The following VPS13B variants were observed in gnomAD, a reference collection of about 807,000 sequenced individuals.
VPS13B encodes the protein intermembrane lipid transfer protein VPS13B.
VPS13B carries 285 observed loss-of-function variants against 426.4 expected under a neutral mutation model. That is an observed-to-expected ratio of 0.67 (90% confidence interval 0.61 to 0.74). The LOEUF is 0.74. Among genes scored for constraint, VPS13B ranks in the 30% least tolerant of loss-of-function variants. VPS13B has a pLI of 0.00. For synonymous variants in VPS13B, 1,676 were observed against 1,676.4 expected (o/e 1.00, Z 0.01); for missense variants, 4,537 against 4,782.6 (o/e 0.95, Z 1.51).
At chr8:99,393,276 C>G (rs1814541087) in intron 21 of VPS13B, among the ~76,000 whole-genome samples, 1 of 152,048 alleles carries the variant, frequency 6.6e-6, no homozygotes, top group African/African-American at 2.4e-5. Flanking sequence ...TCATACCAAT[C>G]ACATATCAAT....
chr8:99,306,206 T>G (rs1015579599), intron 19 of VPS13B, among the ~76,000 whole-genome samples: 13 of 152,042 alleles, frequency 8.6e-5, no homozygotes, highest in Admixed American at 7.2e-4. Context: ...GTGAACTATG[T>G]GGGCAGGATA....
At position 99,467,455 on chromosome 8, in the gene VPS13B, A is replaced by T. The variant is rs1819168289; in HGVS notation, c.3487A>T (p.Ile1163Leu). 1 of 1,613,642 alleles carries T rather than the reference A, an allele frequency of 6.2e-7. No homozygotes were observed. The highest frequency in any genetic ancestry group is 1.3e-5 in the African/African-American group (1 of 74,874). Residue 1163 changes from isoleucine to leucine, a missense_variant, in exon 24 of 62, where the codon ATA (isoleucine) becomes TTA (leucine). Physicochemically the swap from Ile to Leu is conservative, Grantham distance 5 (BLOSUM62 2). Coordinates refer to ENST00000357162, the MANE Select transcript of VPS13B (RefSeq NM_152564.5). ...PWTISLHNFS[I>L]YTLLGKQVTL... ...GACGATCAGCTTGCATAATTTCAGCATATATACCCTTCTTGGAAAACAAGT... is the reference window on the plus strand; with the variant it reads ...GACGATCAGCTTGCATAATTTCAGCTTATATACCCTTCTTGGAAAACAAGT...
intron 3 of VPS13B, among the ~76,000 whole-genome samples, chr8:99,066,928 G>C (rs535396561): frequency 5.3e-5 from 8 of 152,276 alleles, no homozygotes; most frequent in African/African-American, 1.2e-4. Flanking sequence ...AAATTCAAAT[G>C]AAAACCACAG....
intron 44 of VPS13B, among the ~76,000 whole-genome samples, chr8:99,810,327 G>T (rs546431170): frequency 6.6e-6 from 1 of 152,308 alleles, no homozygotes; most frequent in Non-Finnish European, 1.5e-5. Context: ...TATACATCTG[G>T]ATTGTAACAG....
rs11996093 is a variant in VPS13B at position 99,037,426 on chromosome 8, A to G, written c.148-997A>G. On this transcript the variant is annotated intron_variant, in intron 2 of 61. Coordinates refer to ENST00000357162, the MANE Select transcript of VPS13B (RefSeq NM_152564.5). ...ATTCAAAATGTAGTCTTTTTATACAAATTTTACAGATAATGAAACTGAGGC... is the reference window on the plus strand; with the variant it reads ...ATTCAAAATGTAGTCTTTTTATACAGATTTTACAGATAATGAAACTGAGGC... Among the ~76,000 whole-genome samples the G allele has an allele frequency of 3.9e-3, 588 of 152,174 alleles. 6 individuals carry two copies. The highest frequency in any genetic ancestry group is 0.013 in the African/African-American group (523 of 41,548).
intron 17 of VPS13B, among the ~76,000 whole-genome samples, chr8:99,228,433 C>T (rs528527582): frequency 1.7e-4 from 26 of 152,146 alleles, no homozygotes; most frequent in Admixed American, 3.3e-4. Flanking sequence ...AAATTTAAAA[C>T]GAATAGGCCT....
intron 36 of VPS13B, among the ~76,000 whole-genome samples, chr8:99,716,147 T>G (rs545626048): frequency 1.3e-5 from 2 of 152,256 alleles, no homozygotes; most frequent in East Asian, 3.9e-4. Flanking sequence ...CTAACACTTT[T>G]GTGGGTGTGA....
intron 30 of VPS13B, among the ~76,000 whole-genome samples, chr8:99,548,916 A>G (rs1404412500): frequency 4.6e-5 from 7 of 152,088 alleles, no homozygotes; most frequent in Non-Finnish European, 5.9e-5. Flanking sequence ...CCAAACTTGT[A>G]AATTTTATAC....
chr8:99,040,178 A>G (rs1241421039), intron 3 of VPS13B, among the ~76,000 whole-genome samples: 1 of 152,196 alleles, frequency 6.6e-6, no homozygotes, highest in Non-Finnish European at 1.5e-5. Context: ...AACATGTTTT[A>G]ACAGAGGCAA....
rs188389164 is a variant in VPS13B, at chr8:99,730,986, G to C, written c.7050+9939G>C. Among the ~76,000 whole-genome samples the C allele has an allele frequency of 5.5e-3, 831 of 152,230 alleles. 8 individuals are homozygous for C. The highest frequency in any genetic ancestry group is 0.019 in the African/African-American group (774 of 41,560). ...GATGGTTACTGAGGTGATCCTTGAAGGATGAAGAGGATTAAAACTGAAAAA... is the reference window on the plus strand; with the variant it reads ...GATGGTTACTGAGGTGATCCTTGAACGATGAAGAGGATTAAAACTGAAAAA... On this transcript the variant is annotated intron_variant, in intron 39 of 61. Transcript: ENST00000357162.
At chr8:99,828,394 G>GTTTTTTTTTTTTTTTTT (rs555108452) in intron 51 of VPS13B, among the ~76,000 whole-genome samples, 291 of 17,440 alleles carry the variant, frequency 0.017, 102 homozygotes, top group Middle Eastern at 0.056. Flanking sequence ...TACAACCACC[G>GTTTTTTTTTTTTTTTTT]TTTTTTTTTT....
intron 43 of VPS13B, among the ~76,000 whole-genome samples, chr8:99,798,358 A>G (rs552311057): frequency 2.0e-5 from 3 of 152,122 alleles, no homozygotes; most frequent in Non-Finnish European, 4.4e-5. Context: ...TAAGTATTTA[A>G]TGCACAGAGC....
At chr8:99,331,318 C>G (rs1810530183) in intron 19 of VPS13B, among the ~76,000 whole-genome samples, 1 of 151,790 alleles carries the variant, frequency 6.6e-6, no homozygotes, top group African/African-American at 2.4e-5. Flanking sequence ...GCGTTACTCA[C>G]TAGTCATTTA....
chr8:99,245,244 G>C (rs1427527250), intron 17 of VPS13B, among the ~76,000 whole-genome samples: 1 of 152,158 alleles, frequency 6.6e-6, no homozygotes, highest in African/African-American at 2.4e-5. Context: ...GATAGTGACT[G>C]TTTATTAACT....
At chr8:99,774,114 C>A (rs953861816) in intron 40 of VPS13B, among the ~76,000 whole-genome samples, 3 of 152,056 alleles carry the variant, frequency 2.0e-5, no homozygotes, top group Non-Finnish European at 4.4e-5. Flanking sequence ...TTAAGAATAT[C>A]AAAAACTATA....
chr8:99,208,671 A>T (rs1814883500), intron 17 of VPS13B, among the ~76,000 whole-genome samples: 1 of 152,218 alleles, frequency 6.6e-6, no homozygotes, highest in South Asian at 2.1e-4. Flanking sequence ...CATGGAACAT[A>T]TAGGTCAAAT....
chr8:99,413,728 T>C (rs1055604004), intron 21 of VPS13B, among the ~76,000 whole-genome samples: 1 of 152,186 alleles, frequency 6.6e-6, no homozygotes, highest in African/African-American at 2.4e-5. Flanking sequence ...AGTTTCCATA[T>C]AGCTGTGTGG....
intron 30 of VPS13B, among the ~76,000 whole-genome samples, chr8:99,546,421 C>T (rs1038099871): frequency 6.6e-6 from 1 of 151,886 alleles, no homozygotes; most frequent in Non-Finnish European, 1.5e-5. Context: ...AAGGCTAGTT[C>T]TCATATTGTT....
At position 99,019,698 on chromosome 8, in the gene VPS13B, T is replaced by A. The variant is rs566689958; in HGVS notation, c.147+5763T>A. Among the ~76,000 whole-genome samples the A allele has an allele frequency of 3.3e-5, 5 of 152,352 alleles. No homozygotes were observed. The South Asian group carries it at 1.0e-3, about 32-fold the overall frequency. ...ATTCTACTTTATGACTGTATGAATT[T>A]GACTATTTTAAGTACTTCATATAAG... On this transcript the variant is annotated intron_variant, in intron 2 of 61. Coordinates refer to ENST00000357162, the MANE Select transcript of VPS13B (RefSeq NM_152564.5).
Sources: gnomAD v4.1 joint callset for allele counts (sites outside exome capture counted in the v4.1 genomes callset) on GRCh38, gnomAD v4.1.1 for gene constraint, MANE v1.5 for transcripts, NCBI Gene and HGNC (gene_info 2026-07-23, HGNC 2026-07-21) for gene names.